DHX15: variants seen among roughly 807,000 people sequenced by gnomAD.
DHX15 encodes DEAH-box helicase 15, also known as ATP-dependent RNA helicase DHX15.
Under a neutral mutation model 94.4 loss-of-function variants are expected in DHX15, and 11 were observed. The ratio of observed to expected loss-of-function variants is 0.12; its 90% confidence interval spans 0.07 to 0.19. The LOEUF (loss-of-function observed/expected upper bound fraction) is 0.19. DHX15 is among the 10% of genes least tolerant of loss of function. The probability of loss-of-function intolerance (pLI) is 1.00; values close to 1 mark genes in which losing one functional copy is unlikely to be tolerated. For missense variants in DHX15, 304 were observed against 988.5 expected (o/e 0.31, Z 9.29); for synonymous variants, 338 against 329.9 (o/e 1.02, Z -0.27).
intron 12 of DHX15, among the ~76,000 whole-genome samples, chr4:24,531,585 G>T (rs1220728083): frequency 6.6e-6 from 1 of 151,976 alleles, no homozygotes; most frequent in East Asian, 2.0e-4. Flanking sequence ...AGGCATAGTG[G>T]TGCGTGCCTG....
intron 1 of DHX15, among the ~76,000 whole-genome samples, chr4:24,577,592 T>A (rs540039315): frequency 6.6e-6 from 1 of 152,252 alleles, no homozygotes; most frequent in Non-Finnish European, 1.5e-5. Context: ...ATGTTAAAAT[T>A]ATGCAGGTAG....
At chr4:24,550,628 G>C (rs1721581433) in intron 5 of DHX15, among the ~76,000 whole-genome samples, 1 of 152,096 alleles carries the variant, frequency 6.6e-6, no homozygotes, top group African/African-American at 2.4e-5. Context: ...CCCACTGGAA[G>C]GTCTCCAAAG....
In DHX15 at chr4:24,537,313, G is replaced by T; in HGVS notation, c.1787-140C>A. On this transcript the variant is annotated intron_variant, in intron 10 of 13. Transcript: ENST00000336812. This position sits in a 1 kb window ranked among gnomAD's most constrained non-coding sequence, Gnocchi z 4.7. Reference sequence around the variant, plus strand: ...ATGGCCTCCAACTGCATCTTGGATTGTTTACTACCTTGATTTGGTACATCA... The same window carrying T: ...ATGGCCTCCAACTGCATCTTGGATTTTTTACTACCTTGATTTGGTACATCA... The T allele has an allele frequency of 9.2e-7, 1 of 1,088,964 alleles. No homozygotes were observed. The highest frequency in any genetic ancestry group is 1.3e-6 in the Non-Finnish European group (1 of 779,974). 67.5% of individuals were successfully genotyped at this position (1,088,964 alleles called of 1,614,324 possible).
At position 24,537,906 on chromosome 4, in the gene DHX15, A is replaced by C. The variant is rs1721228215; in HGVS notation, c.1787-733T>G. The C allele has an allele frequency of 6.6e-6, 1 of 152,228 alleles. No individual in the cohort carries two copies. The highest frequency in any genetic ancestry group is 6.5e-5 in the Admixed American group (1 of 15,286). The allele number at this position is 152,228 out of a possible 1,614,324, so 9.4% of individuals were successfully genotyped here. On this transcript the variant is annotated intron_variant, in intron 10 of 13. Coordinates refer to ENST00000336812, the MANE Select transcript of DHX15 (RefSeq NM_001358.3). The surrounding 1 kb of genome is among the most constrained non-coding windows in gnomAD (Gnocchi z 4.7). ...GTCCCAAATTTAAAAAAGAAAAAAA[A>C]CAAACTTATTTGAATCAAAACCTCA... is the stretch of plus-strand genomic sequence containing the variant.
At chr4:24,550,109 A>AAAAAAAAAAAC (rs1721558145) in intron 5 of DHX15, among the ~76,000 whole-genome samples, 4 of 146,870 alleles carry the variant, frequency 2.7e-5, no homozygotes, top group Admixed American at 6.8e-5. Flanking sequence ...AAAAAAAAAA[A>AAAAAAAAAAAC]AAAAAAAAAA....
intron 4 of DHX15, among the ~76,000 whole-genome samples, chr4:24,555,530 C>T (rs1003856847): frequency 3.9e-5 from 6 of 151,932 alleles, no homozygotes; most frequent in South Asian, 2.1e-4. Context: ...TTTCTAAAGA[C>T]CCAGAATCTT....
Position 24,584,473 on chromosome 4 carries a change from T to A in DHX15, c.-80A>T. 7.3e-7 allele frequency: 1 copy of A among 1,371,248 alleles called. No individual in the cohort carries two copies. Among genetic ancestry groups the A allele is most frequent in the Non-Finnish European group, 1.0e-6 (1 of 993,312 alleles). The allele number at this position is 1,371,248 out of a possible 1,614,324, so 84.9% of individuals were successfully genotyped here. A position where few individuals can be genotyped will look rare whatever the true frequency, so the allele number is the denominator to read the frequency against. On this transcript the variant is annotated 5_prime_UTR_variant, in exon 1 of 14. Transcript: ENST00000336812. ...GCACAGTCGAGGACAGCCACTTAAC[T>A]CTGGAGGACCCCCACCCCTCCCGCT...
chr4:24,553,803 G>C (rs1174667977), intron 5 of DHX15, among the ~76,000 whole-genome samples: 1 of 152,032 alleles, frequency 6.6e-6, no homozygotes, highest in Non-Finnish European at 1.5e-5. Flanking sequence ...AAAAGAAAAA[G>C]AAAAACCCTT....
intron 2 of DHX15, among the ~76,000 whole-genome samples, chr4:24,571,396 A>G (rs1722120586): frequency 6.6e-6 from 1 of 152,276 alleles, no homozygotes; most frequent in Middle Eastern, 3.4e-3. Flanking sequence ...CCATCTTAAA[A>G]TCAATTTTAA....
intron 6 of DHX15, among the ~76,000 whole-genome samples, chr4:24,547,944 T>A (rs1238506798): frequency 3.4e-5 from 1 of 29,458 alleles, no homozygotes; most frequent in Admixed American, 5.5e-4. Flanking sequence ...TATATATATC[T>A]ATATCTATAT....
intron 12 of DHX15, among the ~76,000 whole-genome samples, chr4:24,532,530 A>T (rs1422073834): frequency 6.6e-6 from 1 of 152,240 alleles, no homozygotes; most frequent in African/African-American, 2.4e-5. Context: ...ATCAATATTC[A>T]CATTCCTGAA....
intron 3 of DHX15, among the ~76,000 whole-genome samples, chr4:24,567,493 C>T (rs1373212135): frequency 6.6e-6 from 1 of 151,668 alleles, no homozygotes; most frequent in East Asian, 1.9e-4. Flanking sequence ...AGGAGAATGG[C>T]TTGAACCCGC....
At chr4:24,528,503 A>G (rs1451583349) in intron 13 of DHX15, among the ~76,000 whole-genome samples, 1 of 152,224 alleles carries the variant, frequency 6.6e-6, no homozygotes, top group East Asian at 1.9e-4. Context: ...TATAAAGTTT[A>G]GCTATATAAT....
chr4:24,559,879 G>C (rs1303841610), intron 3 of DHX15, among the ~76,000 whole-genome samples: 1 of 152,142 alleles, frequency 6.6e-6, no homozygotes, highest in Non-Finnish European at 1.5e-5. Context: ...GATTGCTAAA[G>C]TTTAAGAAAC....
At chr4:24,557,854 T>A (rs1721770172) in intron 3 of DHX15, among the ~76,000 whole-genome samples, 1 of 152,118 alleles carries the variant, frequency 6.6e-6, no homozygotes, top group Non-Finnish European at 1.5e-5. Context: ...TCTTCCGATA[T>A]ATCACAGACA....
chr4:24,529,891 T>A, intron 12 of DHX15, 121 bp from the exon 13 acceptor site: 1 of 1,001,048 alleles, frequency 1.0e-6, no homozygotes, highest in Non-Finnish European at 1.5e-6. Flanking sequence ...GCTATACTTA[T>A]TTATCACTGT....
In DHX15 at chr4:24,547,934, T is replaced by C. The variant is rs1200591681; in HGVS notation, c.1248+921A>G. Among the ~76,000 whole-genome samples, 6 of 38,882 alleles carry C rather than the reference T, an allele frequency of 1.5e-4. 1 individual carries two copies. Among genetic ancestry groups the C allele is most frequent in the East Asian group, 1.0e-3 (1 of 996 alleles). The allele number at this position is 38,882 out of a possible 152,430, so 25.5% of individuals were successfully genotyped here. On this transcript the variant is annotated intron_variant, in intron 6 of 13. Transcript: ENST00000336812. ...ATATATATATATATATATATATATA[T>C]ATATATATCTATATCTATATCTATA...
chr4:24,528,228 T>C (rs1185715302), intron 13 of DHX15, among the ~76,000 whole-genome samples, 187 bp from the exon 14 acceptor site: 2 of 152,180 alleles, frequency 1.3e-5, no homozygotes, highest in African/African-American at 4.8e-5. Flanking sequence ...AAGTATTTTA[T>C]TTAGTAAGAT....
chr4:24,533,146 G>T, intron 11 of DHX15, 92 bp from the exon 12 acceptor site: 1 of 1,121,270 alleles, frequency 8.9e-7, no homozygotes, highest in Non-Finnish European at 1.4e-6. Context: ...TAAAGAATAA[G>T]CTAAATAAAC....
Sources: gnomAD v4.1 joint callset for allele counts (sites outside exome capture counted in the v4.1 genomes callset) on GRCh38, gnomAD v4.1.1 for gene constraint, Gnocchi (gnomAD v3.1) non-coding constraint, MANE v1.5 for transcripts, NCBI Gene and HGNC (gene_info 2026-07-23, HGNC 2026-07-21) for gene names.